The following GTF3C1 variants were observed in gnomAD, a reference collection of about 807,000 sequenced individuals.
GTF3C1 encodes the protein general transcription factor 3C polypeptide 1.
GTF3C1 carries 57 observed loss-of-function variants against 226.7 expected under a neutral mutation model. That is an observed-to-expected ratio of 0.25 (90% CI 0.20 to 0.31). The LOEUF (loss-of-function observed/expected upper bound fraction) is 0.31, where lower values mean the gene tolerates loss of function less well. Among genes scored for constraint, GTF3C1 ranks in the 10% least tolerant of loss-of-function variants. The probability of loss-of-function intolerance (pLI) is 1.00; values close to 1 mark genes in which losing one functional copy is unlikely to be tolerated. For missense variants in GTF3C1, 2,217 were observed against 2,776.1 expected (o/e 0.80, Z 4.53); for synonymous variants, 1,090 against 1,084.8 (o/e 1.00, Z -0.09).
In GTF3C1 at chr16:27,465,469, G is replaced by C. The variant is rs1256951252; in HGVS notation, c.5146C>G (p.Gln1716Glu). 3 of 1,610,192 alleles carry C rather than the reference G, an allele frequency of 1.9e-6. No individual in the cohort carries two copies. Among genetic ancestry groups the C allele is most frequent in the Non-Finnish European group, 2.5e-6 (3 of 1,179,470 alleles). Residue 1716 changes from glutamine (Q) to glutamate (E), a missense_variant, in exon 33 of 37, where the codon CAG becomes GAG. Physicochemically the swap from Gln to Glu is conservative, Grantham distance 29. This residue lies in a region of GTF3C1 where 455 missense variants were observed against 441.9 expected (regional missense o/e 1.03). Coordinates refer to ENST00000356183, the MANE Select transcript of GTF3C1 (RefSeq NM_001520.4). Reference protein sequence around the residue: ...PDTFTKLINPQENTCSLEEFV... With the variant: ...PDTFTKLINPEENTCSLEEFV... ...TCCTCCAAGCTGCAGGTGTTTTCCTGGGGGTTTATCAGCTTGGTGAACGTA... is the reference window on the plus strand; with the variant it reads ...TCCTCCAAGCTGCAGGTGTTTTCCTCGGGGTTTATCAGCTTGGTGAACGTA...
chr16:27,461,769 C>A lies in GTF3C1; in HGVS notation c.6118-207G>T. The A allele has an allele frequency of 1.7e-6, 1 of 590,252 alleles. No homozygotes were observed. Among genetic ancestry groups the A allele is most frequent in the East Asian group, 2.8e-5 (1 of 35,712 alleles). 36.6% of individuals were successfully genotyped at this position (590,252 alleles called of 1,614,324 possible). A position where few individuals can be genotyped will look rare whatever the true frequency, so the allele number is the denominator to read the frequency against. On this transcript the variant is annotated intron_variant, in intron 36 of 36. Transcript: ENST00000356183. The surrounding 1 kb of genome is among the most constrained non-coding windows in gnomAD (Gnocchi z 5.3). ...GGGAGAGGCAGCTGCCTGAGCAGCA[C>A]GTGTACAGCGCTGGCTGGAGCCACC...
intron 6 of GTF3C1, among the ~76,000 whole-genome samples, chr16:27,514,594 CAT>C (rs1486047486): frequency 2.6e-5 from 4 of 152,142 alleles, no homozygotes; most frequent in African/African-American, 9.7e-5. Context: ...ATGCTGCTCA[CAT>C]GAGCAACCTA....
chr16:27,464,167 C>T (rs758117808), intron 34 of GTF3C1, 153 bp downstream of exon 34: 6 of 483,288 alleles, frequency 1.2e-5, no homozygotes, highest in Non-Finnish European at 2.1e-5. Flanking sequence ...TATCCTCCCC[C>T]TCAGGGCTCA....
chr16:27,476,729 A>C (rs1418216532), intron 28 of GTF3C1, among the ~76,000 whole-genome samples, 185 bp from the exon 29 acceptor site: 1 of 152,216 alleles, frequency 6.6e-6, no homozygotes, highest in African/African-American at 2.4e-5. Flanking sequence ...TCTGCAGGAG[A>C]AAAGTTTCTT....
At chr16:27,519,917 GACA>G (rs2088719572) in intron 6 of GTF3C1, among the ~76,000 whole-genome samples, 2 of 152,094 alleles carry the variant, frequency 1.3e-5, no homozygotes, top group African/African-American at 2.4e-5. Flanking sequence ...GACTGGCATG[GACA>G]ACAAGCAAGA....
chr16:27,471,981 G>A lies in GTF3C1; in HGVS notation c.4354-61C>T. 1.4e-6 allele frequency: 2 copies of A among 1,465,134 alleles called. No homozygotes were observed. Among genetic ancestry groups the A allele is most frequent in the Non-Finnish European group, 1.9e-6 (2 of 1,049,088 alleles). The allele number at this position is 1,465,134 out of a possible 1,614,324, so 90.8% of individuals were successfully genotyped here. A position where few individuals can be genotyped will look rare whatever the true frequency, so the allele number is the denominator to read the frequency against. On this transcript the variant is annotated intron_variant, in intron 29 of 36. Transcript: ENST00000356183. The surrounding 1 kb of genome is among the most constrained non-coding windows in gnomAD (Gnocchi z 5.0). ...CCAGCCGGCCACGGAGAGGGCTGGG[G>A]TATGTGGAGGCAGAGGCTGCGGCTG...
chr16:27,465,569 C>A, intron 32 of GTF3C1, 29 bp from the exon 33 acceptor site: 1 of 1,565,164 alleles, frequency 6.4e-7, no homozygotes. Flanking sequence ...AGATCAGAGG[C>A]AGCCCGACAG....
At chr16:27,464,976 C>T (rs1185809238) in intron 33 of GTF3C1, 140 bp from the exon 34 acceptor site, 3 of 738,774 alleles carry the variant, frequency 4.1e-6, no homozygotes, top group East Asian at 2.7e-5. Flanking sequence ...AGGCCTGGCT[C>T]CTAGCCCCGG....
At chr16:27,522,958 T>A (rs77614404) in intron 6 of GTF3C1, among the ~76,000 whole-genome samples, 1 of 152,158 alleles carries the variant, frequency 6.6e-6, no homozygotes, top group South Asian at 2.1e-4. Flanking sequence ...CTTTTTTTTT[T>A]AGAGTCACAG....
chr16:27,492,633 A>C lies in GTF3C1; in HGVS notation c.2957T>G (p.Phe986Cys). Residue 986 changes from phenylalanine to cysteine, a missense_variant, in exon 18 of 37, where the codon TTT becomes TGT. Physicochemically the swap from Phe to Cys is radical, Grantham distance 205. Coordinates refer to ENST00000356183, the MANE Select transcript of GTF3C1 (RefSeq NM_001520.4). The surrounding 1 kb of genome is among the most constrained non-coding windows in gnomAD (Gnocchi z 5.0). Reference protein sequence around the residue: ...GLLQFGPTEKFQDKDQVFIFL... With the variant: ...GLLQFGPTEKCQDKDQVFIFL... ...GGACATTACCTGATCTTTATCCTGA[A>C]ACTTTTCCGTGGGACCAAACTGTAG... is the stretch of plus-strand genomic sequence containing the variant. The C allele has an allele frequency of 6.3e-7, 1 of 1,598,220 alleles. No homozygotes were observed. The highest frequency in any genetic ancestry group is 8.6e-7 in the Non-Finnish European group (1 of 1,165,544).
chr16:27,463,184 A>G lies in GTF3C1; in HGVS notation c.5924+357T>C. 1 of 284,028 alleles carries G rather than the reference A, an allele frequency of 3.5e-6. No homozygotes were observed. Among genetic ancestry groups the G allele is most frequent in the Non-Finnish European group, 6.5e-6 (1 of 153,244 alleles). 17.6% of individuals were successfully genotyped at this position (284,028 alleles called of 1,614,324 possible). On this transcript the variant is annotated intron_variant, in intron 35 of 36. Coordinates refer to ENST00000356183, the MANE Select transcript of GTF3C1 (RefSeq NM_001520.4). The surrounding 1 kb of genome is among the most constrained non-coding windows in gnomAD (Gnocchi z 4.9). ...TTGTCCCGGGGGCAGCTGGGCATTCAGGGCTTATCCCTCTGTGGACCCCTG... is the reference window on the plus strand; with the variant it reads ...TTGTCCCGGGGGCAGCTGGGCATTCGGGGCTTATCCCTCTGTGGACCCCTG...
chr16:27,469,630 C>G lies in GTF3C1; in HGVS notation c.4815-80G>C. 2.0e-6 allele frequency: 3 copies of G among 1,489,320 alleles called. No individual in the cohort carries two copies. Among genetic ancestry groups the G allele is most frequent in the Non-Finnish European group, 2.8e-6 (3 of 1,089,574 alleles). 92.3% of individuals were successfully genotyped at this position (1,489,320 alleles called of 1,614,324 possible). A position where few individuals can be genotyped will look rare whatever the true frequency, so the allele number is the denominator to read the frequency against. ...CAGCCTCTCCCCTCCCTCAAGAGGC[C>G]TCTGTGGCTGGGCTTCAGCAGTGGC... On this transcript the variant is annotated intron_variant, in intron 31 of 36. Coordinates refer to ENST00000356183, the MANE Select transcript of GTF3C1 (RefSeq NM_001520.4). The surrounding 1 kb of genome is among the most constrained non-coding windows in gnomAD (Gnocchi z 4.5).
In GTF3C1 at chr16:27,470,761, G is replaced by C; in HGVS notation, c.4527-366C>G. On this transcript the variant is annotated intron_variant, in intron 30 of 36. Coordinates refer to ENST00000356183, the MANE Select transcript of GTF3C1 (RefSeq NM_001520.4). This position sits in a 1 kb window ranked among gnomAD's most constrained non-coding sequence, Gnocchi z 4.9. ...TCTGTAATAATAGTCTCCGCACAAAGCCAGCCCTGGTCTTACACATGTGCC... is the reference window on the plus strand; with the variant it reads ...TCTGTAATAATAGTCTCCGCACAAACCCAGCCCTGGTCTTACACATGTGCC... 1 of 244,238 alleles carries C rather than the reference G, an allele frequency of 4.1e-6. No homozygotes were observed. The highest frequency in any genetic ancestry group is 8.0e-6 in the Non-Finnish European group (1 of 124,650). The allele number at this position is 244,238 out of a possible 1,614,324, so 15.1% of individuals were successfully genotyped here. A position where few individuals can be genotyped will look rare whatever the true frequency, so the allele number is the denominator to read the frequency against.
At chr16:27,467,186 C>T (rs570618701) in intron 32 of GTF3C1, among the ~76,000 whole-genome samples, 2 of 152,318 alleles carry the variant, frequency 1.3e-5, no homozygotes, top group South Asian at 4.1e-4. Context: ...AGGCTTCAAA[C>T]GACAGGCCAC....
Position 27,489,756 on chromosome 16 carries a change from A to G in GTF3C1, c.3152-13T>C. On this transcript the variant is annotated splice_polypyrimidine_tract_variant and intron_variant, in intron 19 of 36. Coordinates refer to ENST00000356183, the MANE Select transcript of GTF3C1 (RefSeq NM_001520.4). ...CAGCGCACCACGCCTGGAAAACCAAACATCAGGGTGACCAATCACGCCTTC... is the reference window on the plus strand; with the variant it reads ...CAGCGCACCACGCCTGGAAAACCAAGCATCAGGGTGACCAATCACGCCTTC... 6.2e-7 allele frequency: 1 copy of G among 1,607,864 alleles called. No homozygotes were observed. Among genetic ancestry groups the G allele is most frequent in the South Asian group, 1.1e-5 (1 of 90,656 alleles).
chr16:27,496,855 G>A (rs1007410756), intron 14 of GTF3C1, among the ~76,000 whole-genome samples: 5 of 152,294 alleles, frequency 3.3e-5, no homozygotes, highest in East Asian at 3.9e-4. Flanking sequence ...AGGAACACCC[G>A]CGCTGCCCCT....
At chr16:27,489,001 C>A (rs375632169) in intron 21 of GTF3C1, 42 bp downstream of exon 21, 1 of 1,590,910 alleles carries the variant, frequency 6.3e-7, no homozygotes, top group Admixed American at 1.7e-5. Context: ...GGGTGAGTAG[C>A]GAGGACCCCT....
At chr16:27,547,680 T>C (rs2089184789) in intron 1 of GTF3C1, among the ~76,000 whole-genome samples, 1 of 152,164 alleles carries the variant, frequency 6.6e-6, no homozygotes, top group Non-Finnish European at 1.5e-5. Context: ...AGCTTTTTTT[T>C]TGAGATGGAT....
chr16:27,524,303 T>C (rs762696177), intron 6 of GTF3C1, among the ~76,000 whole-genome samples: 2 of 152,228 alleles, frequency 1.3e-5, no homozygotes, highest in Non-Finnish European at 2.9e-5. Flanking sequence ...TAGGTGAAAC[T>C]TTCTGATTTT....
Sources: gnomAD v4.1 joint callset for allele counts (sites outside exome capture counted in the v4.1 genomes callset) on GRCh38, gnomAD v4.1.1 for gene constraint, gnomAD v4.1.1 regional missense constraint, Gnocchi (gnomAD v3.1) non-coding constraint, MANE v1.5 for transcripts, NCBI Gene and HGNC (gene_info 2026-07-23, HGNC 2026-07-21) for gene names.